The following ADAMTS14 variants were observed in gnomAD, a reference collection of about 807,000 sequenced individuals.
ADAMTS14 encodes A disintegrin and metalloproteinase with thrombospondin motifs 14.
ADAMTS14 carries 100 observed loss-of-function variants against 128.6 expected under a neutral mutation model. The observed-to-expected ratio is 0.78, with a 90% CI of 0.66 to 0.92. ADAMTS14 has a LOEUF of 0.92. Ranked by LOEUF, ADAMTS14 falls within the 40% of genes least tolerant of loss-of-function variation. ADAMTS14 has a pLI of 0.00. For missense variants in ADAMTS14, 1,562 were observed against 1,658.6 expected (o/e 0.94, Z 1.01); for synonymous variants, 665 against 653.8 (o/e 1.02, Z -0.26).
chr10:70,687,690 A>C, intron 2 of ADAMTS14, among the ~76,000 whole-genome samples: 1 of 22,392 alleles, frequency 4.5e-5, no homozygotes, highest in Admixed American at 3.5e-4. Context: ...CGGGGGGCTG[A>C]CCCCCCCACC....
At chr10:70,757,294 G>T (rs142344092) in intron 19 of ADAMTS14, among the ~76,000 whole-genome samples, 1 of 152,090 alleles carries the variant, frequency 6.6e-6, no homozygotes, top group African/African-American at 2.4e-5. Context: ...CCTTGTACCC[G>T]CACCCTGCTC....
intron 14 of ADAMTS14, among the ~76,000 whole-genome samples, chr10:70,744,707 G>T (rs1432955862): frequency 6.6e-6 from 1 of 152,132 alleles, no homozygotes; most frequent in African/African-American, 2.4e-5. Context: ...AGTATAAATG[G>T]GGCCTATTTT....
rs372953443 is a variant in ADAMTS14 at position 70,672,863 on chromosome 10, G to A, written c.61G>A (p.Ala21Thr). 24 of 1,501,086 alleles carry A rather than the reference G, an allele frequency of 1.6e-5. No homozygotes were observed. The highest frequency in any genetic ancestry group is 1.4e-4 in the East Asian group (5 of 36,280). 93.0% of individuals were successfully genotyped at this position (1,501,086 alleles called of 1,614,324 possible). ...GCCTTTGCACTGTGCGCTCTGCGCC[G>A]CCGCGGGCAGCCGGACCCCAGGTGC... ...LLPLHCALCA[A>T]AGSRTPELHL... The change falls in exon 1 of 22, where the codon GCC becomes ACC. Residue 21 changes from alanine to threonine, a missense_variant. By Grantham distance (58) the Ala-to-Thr change is moderately conservative. Coordinates refer to ENST00000373207, the MANE Select transcript of ADAMTS14 (RefSeq NM_080722.4).
At chr10:70,752,419 C>T (rs7914893) in intron 18 of ADAMTS14, among the ~76,000 whole-genome samples, 192 bp downstream of exon 18, 51,109 of 152,038 alleles carry the variant, frequency 0.34, 9,091 homozygotes, top group African/African-American at 0.45. Flanking sequence ...TCTGCCTGAT[C>T]GTCAGGAGTC....
At chr10:70,743,996 G>A in intron 13 of ADAMTS14, 70 bp from the exon 14 acceptor site, 1 of 1,525,572 alleles carries the variant, frequency 6.6e-7, no homozygotes, top group Non-Finnish European at 8.8e-7. Flanking sequence ...CCTGGGGATG[G>A]GAATGGGAGC....
At chr10:70,706,970 T>A (rs535778236) in intron 3 of ADAMTS14, among the ~76,000 whole-genome samples, 1 of 152,098 alleles carries the variant, frequency 6.6e-6, no homozygotes, top group African/African-American at 2.4e-5. Flanking sequence ...AAATAAACAA[T>A]CACAATGGAT....
intron 11 of ADAMTS14, 51 bp from the exon 12 acceptor site, chr10:70,740,936 C>G (rs990628183): frequency 1.3e-6 from 2 of 1,590,940 alleles, no homozygotes; most frequent in Admixed American, 3.4e-5. Context: ...ACCTGGCCCT[C>G]CCCAGCCTTC....
Position 70,760,917 on chromosome 10 carries a change from A to G in ADAMTS14, c.*64A>G. On this transcript the variant is annotated 3_prime_UTR_variant, in exon 22 of 22. Transcript: ENST00000373207. Reference sequence around the variant, plus strand: ...TGTACTGCCCCGTGACTCCCAGCTCAGAGGACACACATAGCAGGGCAGGCG... The same window carrying G: ...TGTACTGCCCCGTGACTCCCAGCTCGGAGGACACACATAGCAGGGCAGGCG... 1 of 1,499,290 alleles carries G rather than the reference A, an allele frequency of 6.7e-7. No individual in the cohort carries two copies. The highest frequency in any genetic ancestry group is 1.4e-5 in the African/African-American group (1 of 71,578). The allele number at this position is 1,499,290 out of a possible 1,614,324, so 92.9% of individuals were successfully genotyped here. A position where few individuals can be genotyped will look rare whatever the true frequency, so the allele number is the denominator to read the frequency against.
chr10:70,672,783 C>T lies in ADAMTS14; in HGVS notation c.-20C>T. ...CTTGGGGATCGGGCGCTTGCCCAGC[C>T]CGCGTCCCAGCGCGGCCACATGGCT... On this transcript the variant is annotated 5_prime_UTR_variant, in exon 1 of 22. Transcript: ENST00000373207. 3.3e-6 allele frequency: 5 copies of T among 1,497,562 alleles called. No individual in the cohort carries two copies. The highest frequency in any genetic ancestry group is 1.3e-5 in the South Asian group (1 of 79,412). The allele number at this position is 1,497,562 out of a possible 1,614,324, so 92.8% of individuals were successfully genotyped here.
chr10:70,678,822 G>A (rs1839719659), intron 2 of ADAMTS14, among the ~76,000 whole-genome samples: 1 of 152,184 alleles, frequency 6.6e-6, no homozygotes, highest in African/African-American at 2.4e-5. Context: ...TCTGGCATTG[G>A]TGCTTTGTGG....
In ADAMTS14 at chr10:70,760,346, T is replaced by C; in HGVS notation, c.3179-14T>C. 1 of 1,533,564 alleles carries C rather than the reference T, an allele frequency of 6.5e-7. No individual in the cohort carries two copies. Among genetic ancestry groups the C allele is most frequent in the Non-Finnish European group, 8.8e-7 (1 of 1,140,622 alleles). 95.0% of individuals were successfully genotyped at this position (1,533,564 alleles called of 1,614,324 possible). On this transcript the variant is annotated splice_polypyrimidine_tract_variant and intron_variant, in intron 21 of 21. Coordinates refer to ENST00000373207, the MANE Select transcript of ADAMTS14 (RefSeq NM_080722.4). ...CACGTTGCTTCCATCCTTGTCCTTG[T>C]GCTGTGTGTGCAGCGGAGCCCTGCA...
rs573736416 is a variant in ADAMTS14 at position 70,716,994 on chromosome 10, G to A, written c.870+8216G>A. Among the ~76,000 whole-genome samples, 7 of 152,324 alleles carry A rather than the reference G, an allele frequency of 4.6e-5. 1 individual carries two copies. Among genetic ancestry groups the A allele is most frequent in the South Asian group, 4.1e-4 (2 of 4,822 alleles). ...AGCCTTGTCGCACACGCTGCTGGGC[G>A]CTGTCTTTTTCTGTGCCTGTTTGCA... is the stretch of plus-strand genomic sequence containing the variant. On this transcript the variant is annotated intron_variant, in intron 4 of 21. Coordinates refer to ENST00000373207, the MANE Select transcript of ADAMTS14 (RefSeq NM_080722.4).
At chr10:70,699,428 A>C (rs17528468) in intron 2 of ADAMTS14, among the ~76,000 whole-genome samples, 25,049 of 152,208 alleles carry the variant, frequency 0.16, 2,619 homozygotes, top group Middle Eastern at 0.24. Context: ...TGCTGAATAC[A>C]ATGTTAGGAG....
intron 3 of ADAMTS14, among the ~76,000 whole-genome samples, chr10:70,707,750 A>G (rs1840710790): frequency 6.6e-6 from 1 of 152,200 alleles, no homozygotes; most frequent in Non-Finnish European, 1.5e-5. Context: ...TAAAGATTAG[A>G]CTAGATTGGG....
chr10:70,708,628 G>T lies in ADAMTS14; in HGVS notation c.720G>T (p.Val240=), dbSNP rs375344114. 559 of 1,611,616 alleles carry T rather than the reference G, an allele frequency of 3.5e-4. No homozygotes were observed. The highest frequency in any genetic ancestry group is 4.6e-4 in the Non-Finnish European group (547 of 1,178,064). The part of the protein sequence containing the change: ...LGDLPNLLGL[V]GDQLGDTERK... The stretch of plus-strand genomic sequence containing the variant: ...ACCTTCCCAACCTGCTGGGCCTGGT[G>T]GGGGACCAGCTGGGCGACACAGAGC... Residue 240 remains valine, a synonymous_variant, in exon 4 of 22, where the codon GTG becomes GTT. Transcript: ENST00000373207.
At chr10:70,710,109 G>C (rs1234308792) in intron 4 of ADAMTS14, among the ~76,000 whole-genome samples, 2 of 152,244 alleles carry the variant, frequency 1.3e-5, no homozygotes, top group African/African-American at 4.8e-5. Flanking sequence ...AGTACCGGAG[G>C]CAGGTGACCC....
chr10:70,738,876 C>T lies in ADAMTS14; in HGVS notation c.1634C>T (p.Pro545Leu), dbSNP rs138612430. 111 of 1,614,004 alleles carry T rather than the reference C, an allele frequency of 6.9e-5. No individual in the cohort carries two copies. Among genetic ancestry groups the T allele is most frequent in the African/African-American group, 9.3e-5 (7 of 74,916 alleles). The change falls in exon 11 of 22, where the codon CCG becomes CTG. Residue 545 changes from proline (P) to leucine (L), a missense_variant. By Grantham distance (98) the Pro-to-Leu change is moderately conservative. Transcript: ENST00000373207. ...AAAGGTCACTGCATCTGGAAGTCGC[C>T]GGAGCAGACATATGGCCAGGATGGA... ...CFKGHCIWKSPEQTYGQDGGW... is the reference protein window; with the variant it reads ...CFKGHCIWKSLEQTYGQDGGW...
In ADAMTS14 at chr10:70,701,094, G is replaced by T. The variant is rs556579576; in HGVS notation, c.523-1218G>T. Among the ~76,000 whole-genome samples the T allele has an allele frequency of 5.9e-5, 9 of 152,312 alleles. No homozygotes were observed. The East Asian group carries it at 1.2e-3, about 20-fold the overall frequency. Reference sequence around the variant, plus strand: ...GTTTGGCTCCAAAATGATGTTTTCTGTTTGATCCACAGAAACAGCTAGAAG... The same window carrying T: ...GTTTGGCTCCAAAATGATGTTTTCTTTTTGATCCACAGAAACAGCTAGAAG... On this transcript the variant is annotated intron_variant, in intron 2 of 21. Coordinates refer to ENST00000373207, the MANE Select transcript of ADAMTS14 (RefSeq NM_080722.4).
chr10:70,727,824 G>A (rs910613575), intron 4 of ADAMTS14, among the ~76,000 whole-genome samples: 5 of 152,182 alleles, frequency 3.3e-5, no homozygotes, highest in Admixed American at 2.0e-4. Context: ...GGCCGGGCGC[G>A]GTGGCTCACG....
Sources: allele counts gnomAD v4.1 joint callset (sites outside exome capture counted in the v4.1 genomes callset), GRCh38; gene constraint gnomAD v4.1.1; transcripts MANE v1.5; gene names NCBI Gene and HGNC (gene_info 2026-07-23, HGNC 2026-07-21).